CDKL5: variants seen among roughly 807,000 people sequenced by gnomAD.
CDKL5 encodes cyclin-dependent kinase-like 5.
In CDKL5, 8 loss-of-function variants were observed where a neutral mutation model predicts 61.7. That is an observed-to-expected ratio of 0.13 (90% CI 0.08 to 0.23). The LOEUF (loss-of-function observed/expected upper bound fraction) is 0.23, where lower values mean the gene tolerates loss of function less well. Ranked by LOEUF, CDKL5 falls within the 10% of genes least tolerant of loss-of-function variation. The pLI, the probability that CDKL5 is intolerant of heterozygous loss-of-function variation, is 1.00. For synonymous variants in CDKL5, 275 were observed against 272.3 expected (o/e 1.01, Z -0.10); for missense variants, 440 against 734.5 (o/e 0.60, Z 4.63).
At chrX:18,645,952 C>A in intron 19 of CDKL5, 1 of 1,208,851 alleles carries the variant, frequency 8.3e-7, no homozygotes, top group Non-Finnish European at 1.1e-6. Context: ...TGTTTGTGTT[C>A]TTAAAGGCAA....
intron 1 of CDKL5, among the ~76,000 whole-genome samples, chrX:18,433,652 A>G (rs1431724259): frequency 8.8e-6 from 1 of 113,121 alleles, no homozygotes; most frequent in Non-Finnish European, 1.9e-5. Context: ...TTAAAGGATC[A>G]TAACTGCAAA....
chrX:18,593,915 C>T (rs1346921677), intron 9 of CDKL5, among the ~76,000 whole-genome samples: 1 of 112,027 alleles, frequency 8.9e-6, no homozygotes, highest in Non-Finnish European at 1.9e-5. Flanking sequence ...TCTTCCACAG[C>T]CATAAACCAT....
At chrX:18,588,340 A>G in intron 9 of CDKL5, 197 bp downstream of exon 9, 1 of 354,618 alleles carries the variant, frequency 2.8e-6, no homozygotes, top group Non-Finnish European at 4.8e-6. Context: ...TAGAATTCAA[A>G]TTCTAATCTT....
intron 1 of CDKL5, among the ~76,000 whole-genome samples, chrX:18,447,938 A>G (rs1000726729): frequency 5.4e-4 from 59 of 110,096 alleles, no homozygotes; most frequent in African/African-American, 1.9e-3. Flanking sequence ...ACCCTGTAAA[A>G]ACGGGGTTTC....
chrX:18,575,342 T>A lies in CDKL5; in HGVS notation c.146-12T>A. ...TTTCATTTTAGTCTCTTCACCATTG[T>A]TTACATTCTAGAAAATGAAGAAGTC... On this transcript the variant is annotated splice_polypyrimidine_tract_variant and intron_variant, in intron 4 of 17. Transcript: ENST00000623535. 8.3e-7 allele frequency: 1 copy of A among 1,204,643 alleles called. No individual in the cohort carries two copies. Among genetic ancestry groups the A allele is most frequent in the Non-Finnish European group, 1.1e-6 (1 of 889,256 alleles).
chrX:18,520,461 T>C (rs1294520970), intron 3 of CDKL5, among the ~76,000 whole-genome samples: 3 of 112,228 alleles, frequency 2.7e-5, no homozygotes, highest in Non-Finnish European at 3.8e-5. Flanking sequence ...TGTATGAATA[T>C]ACCTCATCGT....
At chrX:18,612,538 T>C (rs1926585481) in intron 14 of CDKL5, among the ~76,000 whole-genome samples, 1 of 109,090 alleles carries the variant, frequency 9.2e-6, no homozygotes, top group Non-Finnish European at 1.9e-5. Flanking sequence ...TGTGCACCTG[T>C]GGTCCCAGCT....
chrX:18,648,880 C>T (rs1195597620), intron 20 of CDKL5, among the ~76,000 whole-genome samples: 1 of 109,618 alleles, frequency 9.1e-6, no homozygotes, highest in Non-Finnish European at 1.9e-5. Context: ...AGTTCAAGAC[C>T]AGCCTGGGGC....
intron 17 of CDKL5, 152 bp downstream of exon 17, chrX:18,625,399 A>G (rs1927010420): frequency 1.7e-6 from 1 of 577,987 alleles, no homozygotes; most frequent in Non-Finnish European, 2.8e-6. Context: ...AGCCAGATGC[A>G]TCTCGTGAGC....
intron 1 of CDKL5, among the ~76,000 whole-genome samples, chrX:18,494,342 G>A (rs1467849223): frequency 8.9e-6 from 1 of 112,207 alleles, no homozygotes; most frequent in African/African-American, 3.2e-5. Flanking sequence ...CCGCCTCCTG[G>A]GTTCAAGTGA....
intron 1 of CDKL5, among the ~76,000 whole-genome samples, chrX:18,444,603 C>T (rs78283221): frequency 0.023 from 2,549 of 112,095 alleles, 69 homozygotes; most frequent in East Asian, 0.19. Flanking sequence ...AGGCATGAGC[C>T]ACTGTGCCCC....
rs773019210 is a variant in CDKL5 at position 18,529,045 on chromosome X, CATGTTTATAACTG to C, written c.99+18194_99+18206del. On this transcript the variant is annotated intron_variant, in intron 3 of 17. Transcript: ENST00000623535. ...TTAATATGGTTGTATTAATATGAAC[CATGTTTATAACTG>C]ATTTTCTATTTGTTGTACTTACTTT... 3.7e-4 allele frequency among the ~76,000 whole-genome samples: 41 copies of C among 110,300 alleles called. No individual in the cohort carries two copies. The East Asian group carries it at 9.6e-3, about 26-fold the overall frequency.
chrX:18,426,413 A>G (rs982687168), intron 1 of CDKL5: 36 of 112,749 alleles, frequency 3.2e-4, no homozygotes, highest in Non-Finnish European at 3.0e-4. Flanking sequence ...TCCTCCTTGC[A>G]TTGACACGTT....
chrX:18,610,557 CGCACAGTTTCAT>C (rs1926517062), intron 14 of CDKL5, among the ~76,000 whole-genome samples: 5 of 112,546 alleles, frequency 4.4e-5, no homozygotes, highest in Non-Finnish European at 9.4e-5. Flanking sequence ...TACACTGCCT[CGCACAGTTTCAT>C]AAATATTTGT....
intron 9 of CDKL5, 60 bp downstream of exon 9, chrX:18,588,203 C>A: frequency 1.2e-6 from 1 of 868,282 alleles, no homozygotes; most frequent in South Asian, 2.0e-5. Context: ...AGTCATTGTT[C>A]ATTGCACAAT....
intron 21 of CDKL5, among the ~76,000 whole-genome samples, chrX:18,651,254 TGTGTGTGTGTGA>T (rs1386025675): frequency 1.1e-4 from 11 of 99,071 alleles, no homozygotes; most frequent in African/African-American, 3.5e-4. Context: ...TGTGTGTGTG[TGTGTGTGTGTGA>T]GAGAGAGAGA....
At chrX:18,509,197 G>GCACGCGCGCGCACACA (rs1204561636) in intron 2 of CDKL5, among the ~76,000 whole-genome samples, 29 of 64,308 alleles carry the variant, frequency 4.5e-4, no homozygotes, top group South Asian at 3.3e-3. Context: ...CTCAAAACAC[G>GCACGCGCGCGCACACA]CACACACACA....
At chrX:18,575,301 A>G (rs1386741924) in intron 4 of CDKL5, 53 bp from the exon 5 acceptor site, 2 of 1,128,073 alleles carry the variant, frequency 1.8e-6, no homozygotes, top group Non-Finnish European at 2.4e-6. Flanking sequence ...AATTCTTTGA[A>G]TAGTAGCTTG....
rs1927141948 is a variant in CDKL5, at chrX:18,628,529, G to A, written c.2655G>A (p.Gly885=). Residue 885 remains glycine, a synonymous_variant, in exon 18 of 18, where the codon GGG becomes GGA. Coordinates refer to ENST00000623535, the MANE Select transcript of CDKL5 (RefSeq NM_001323289.2). ...ACCCCCTGAGCCAGGCCTCTGGCGG[G>A]AGCAGCAACATCCGGCAGGAACCCG... The part of the protein sequence containing the change: ...RIHPLSQASG[G]SSNIRQEPAP... The A allele has an allele frequency of 1.7e-5, 21 of 1,211,960 alleles. No homozygotes were observed. Among genetic ancestry groups the A allele is most frequent in the Non-Finnish European group, 2.2e-5 (20 of 895,556 alleles).
Sources: gnomAD v4.1 joint callset for allele counts (sites outside exome capture counted in the v4.1 genomes callset) on GRCh38, gnomAD v4.1.1 for gene constraint, MANE v1.5 for transcripts, NCBI Gene and HGNC (gene_info 2026-07-23, HGNC 2026-07-21) for gene names.